POU5F1B: variants seen among roughly 807,000 people sequenced by gnomAD.
The protein encoded by POU5F1B is POU class 5 homeobox 1B, also known as POU domain, class 5, transcription factor 1B.
A neutral mutation model predicts 28.1 loss-of-function variants in POU5F1B; 24 were observed. The ratio of observed to expected loss-of-function variants is 0.85; its 90% CI spans 0.62 to 1.20. The LOEUF (loss-of-function observed/expected upper bound fraction) is 1.20. Ranked by LOEUF, POU5F1B falls within the 50% of genes most tolerant of loss-of-function variation. The pLI, the probability that POU5F1B is intolerant of heterozygous loss-of-function variation, is 0.00. For missense variants in POU5F1B, 451 were observed against 451.5 expected (o/e 1.00, Z 0.01); for synonymous variants, 220 against 193.2 (o/e 1.14, Z -1.15).
Position 127,416,530 on chromosome 8 carries a change from A to G in POU5F1B, c.664A>G (p.Lys222Glu), listed in dbSNP as rs769463125. The stretch of plus-strand genomic sequence containing the variant: ...CAATGAAAATCTTCAGGAGATATGC[A>G]AAGCAGAAACCCTCATGCAGGCCCG... Residue 222 changes from lysine to glutamate, a missense_variant, in exon 3 of 3, where the codon AAA becomes GAA. By Grantham distance (56) the Lys-to-Glu change is moderately conservative. Around this residue, in one of 3 missense-constraint regions of POU5F1B, gnomAD observed 213 missense variants for 220.4 expected, o/e 0.97. Coordinates refer to ENST00000465342, the Ensembl canonical transcript of POU5F1B. 55 of 1,609,290 alleles carry G rather than the reference A, an allele frequency of 3.4e-5. No individual in the cohort carries two copies. The highest frequency in any genetic ancestry group is 4.6e-5 in the Non-Finnish European group (54 of 1,177,664).
chr8:127,415,903 C>T (rs1185632324), exon 3 of POU5F1B: 7 of 1,542,100 alleles, frequency 4.5e-6, no homozygotes, highest in South Asian at 3.7e-5. Flanking sequence ...CGCCTTCTCG[C>T]CCCCTCCAGG....
chr8:127,416,524 A>AT lies in POU5F1B; in HGVS notation c.659dup (p.Cys221MetfsTer59). The AT allele has an allele frequency of 1.9e-6, 3 of 1,609,212 alleles. No individual in the cohort carries two copies. The highest frequency in any genetic ancestry group is 2.5e-6 in the Non-Finnish European group (3 of 1,177,548). On this transcript the variant is annotated frameshift_variant, in exon 3 of 3. Transcript: ENST00000465342. LOFTEE classifies it high-confidence loss of function. ...TGACAACAATGAAAATCTTCAGGAG[A>AT]TATGCAAAGCAGAAACCCTCATGCA...
exon 3 of POU5F1B, chr8:127,417,062 G>A (rs1586476351): frequency 2.8e-6 from 4 of 1,423,210 alleles, no homozygotes; most frequent in Non-Finnish European, 3.8e-6. Context: ...GGAAGGAATT[G>A]GGAACACTAA....
chr8:127,416,317 A>G lies in POU5F1B; in HGVS notation c.451A>G (p.Lys151Glu), dbSNP rs762221989. 14 of 1,613,444 alleles carry G rather than the reference A, an allele frequency of 8.7e-6. No individual in the cohort carries two copies. Among genetic ancestry groups the G allele is most frequent in the Admixed American group, 5.0e-5 (3 of 59,968 alleles). The change falls in exon 3 of 3, where the codon AAG becomes GAG. Residue 151 changes from lysine to glutamate, a missense_variant. Physicochemically the swap from Lys to Glu is moderately conservative, Grantham distance 56. This residue lies in a region of POU5F1B where 233 missense variants were observed against 210.7 expected (regional missense o/e 1.11). Coordinates refer to ENST00000465342, the Ensembl canonical transcript of POU5F1B. ...GCAGAAAGAACTCGAGCAATTTGCC[A>G]AGCTCCTGAAGCAGAAGAGGATCAC...
Position 127,415,850 on chromosome 8 carries a change from G to T in POU5F1B, c.-17G>T, listed in dbSNP as rs529087148. The stretch of plus-strand genomic sequence containing the variant: ...CTCATTTCACCAGGCCCCCGGCTTG[G>T]GGCGCCTTCCTTCCCCATGGCGGGA... On this transcript the variant is annotated 5_prime_UTR_variant, in exon 3 of 3. Coordinates refer to ENST00000465342, the Ensembl canonical transcript of POU5F1B. The T allele has an allele frequency of 1.1e-4, 167 of 1,506,972 alleles. 1 individual carries two copies. The African/African-American group carries it at 2.1e-3, about 19-fold the overall frequency. 93.4% of individuals were successfully genotyped at this position (1,506,972 alleles called of 1,614,324 possible).
At chr8:127,416,924 G>C in exon 3 of POU5F1B, 1 of 1,601,074 alleles carries the variant, frequency 6.2e-7, no homozygotes, top group Non-Finnish European at 8.5e-7. Context: ...ATCACTCTGG[G>C]CTCTCCCATG....
chr8:127,416,770 T>C, exon 3 of POU5F1B: 3 of 1,606,920 alleles, frequency 1.9e-6, no homozygotes, highest in Non-Finnish European at 2.5e-6. Context: ...GGCTGCTGGG[T>C]CTCCTTTCTC....
intron 1 of POU5F1B, among the ~76,000 whole-genome samples, chr8:127,414,156 A>G (rs1815098893): frequency 6.6e-6 from 1 of 152,218 alleles, no homozygotes; most frequent in South Asian, 2.1e-4. Context: ...ACGTCAAATA[A>G]GCATGAGAAT....
chr8:127,417,206 A>AAAAG lies in POU5F1B; in HGVS notation c.*263_*264insGAAA, dbSNP rs1815161304. 20 of 294,992 alleles carry AAAAG rather than the reference A, an allele frequency of 6.8e-5. 1 individual carries two copies. Among genetic ancestry groups the AAAAG allele is most frequent in the Middle Eastern group, 8.1e-4 (1 of 1,228 alleles). The allele number at this position is 294,992 out of a possible 1,614,324, so 18.3% of individuals were successfully genotyped here. A position where few individuals can be genotyped will look rare whatever the true frequency, so the allele number is the denominator to read the frequency against. ...GCCTGGGACACAGTAAAAAAAAAAA[A>AAAAG]AAAAGAAAGAAAAGAAAAGTAACAT... On this transcript the variant is annotated 3_prime_UTR_variant, in exon 3 of 3. Coordinates refer to ENST00000465342, the Ensembl canonical transcript of POU5F1B.
exon 3 of POU5F1B, chr8:127,415,554 A>C: frequency 3.0e-6 from 1 of 332,162 alleles, no homozygotes; most frequent in Non-Finnish European, 5.4e-6. Flanking sequence ...GGACTCAGGA[A>C]TCATGGTGCC....
chr8:127,416,747 G>T (rs1429200633), exon 3 of POU5F1B: 1 of 1,608,834 alleles, frequency 6.2e-7, no homozygotes, highest in Non-Finnish European at 8.5e-7. Context: ...TATGCACAAC[G>T]AGAGGATTTT....
rs571698634 is a variant in POU5F1B, at chr8:127,416,622, C to A, written c.756C>A (p.Cys252Ter). The change falls in exon 3 of 3, where the codon TGC (cysteine) becomes TGA (stop). Residue 252 changes from cysteine (C) to a stop codon, truncating the protein, a stop_gained. Transcript: ENST00000465342. LOFTEE classifies it high-confidence loss of function. ...ACCTGGAGAATTTGTTCCTGCAGTG[C>A]CCGAAACCCACACTGCAGATCAGCC... is the stretch of plus-strand genomic sequence containing the variant. 109 of 1,598,678 alleles carry A rather than the reference C, an allele frequency of 6.8e-5. No homozygotes were observed. In the African/African-American group the frequency reaches 1.1e-3, roughly 16 times the overall value.
At chr8:127,416,181 C>G (rs1303374394) in exon 3 of POU5F1B, 1 of 1,613,824 alleles carries the variant, frequency 6.2e-7, no homozygotes, top group East Asian at 2.2e-5. Context: ...GGGTGGAGAG[C>G]AACTCCAATG....
chr8:127,415,562 G>A, exon 3 of POU5F1B: 1 of 359,514 alleles, frequency 2.8e-6, no homozygotes, highest in African/African-American at 2.1e-5. Context: ...GAATCATGGT[G>A]CCTACACTGG....
chr8:127,416,251 C>A lies in POU5F1B; in HGVS notation c.385C>A (p.Leu129Ile), dbSNP rs781630176. Residue 129 changes from leucine (L) to isoleucine (I), a missense_variant, in exon 3 of 3, where the codon CTA becomes ATA. By Grantham distance (5) the Leu-to-Ile change is conservative. Transcript: ENST00000465342. Reference sequence around the variant, plus strand: ...TGCCGTGAAGCTGGAGAAGGAGAAGCTAGAGCAAAACCCGGAGAAGTCCCA... The same window carrying A: ...TGCCGTGAAGCTGGAGAAGGAGAAGATAGAGCAAAACCCGGAGAAGTCCCA... 2.5e-5 allele frequency: 40 copies of A among 1,613,740 alleles called. No individual in the cohort carries two copies. The Middle Eastern group carries it at 6.6e-4, about 27-fold the overall frequency.
intron 1 of POU5F1B, among the ~76,000 whole-genome samples, chr8:127,414,450 C>T (rs751908218): frequency 2.0e-5 from 3 of 152,206 alleles, no homozygotes; most frequent in Non-Finnish European, 2.9e-5. Flanking sequence ...ACTGCTTAAA[C>T]ACTTACCTTG....
At chr8:127,413,728 G>A (rs1586473913) in intron 1 of POU5F1B, among the ~76,000 whole-genome samples, 3 of 152,128 alleles carry the variant, frequency 2.0e-5, no homozygotes, top group Admixed American at 1.3e-4. Flanking sequence ...GTGAGGCTTA[G>A]GCCAACCTAT....
exon 3 of POU5F1B, chr8:127,416,240 A>G (rs2130627327): frequency 6.2e-7 from 1 of 1,613,858 alleles, no homozygotes; most frequent in Non-Finnish European, 8.5e-7. Flanking sequence ...GTGAAGCTGG[A>G]GAAGGAGAAG....
rs768235193 is a variant in POU5F1B, at chr8:127,416,534, C to T, written c.668C>T (p.Ala223Val). The change falls in exon 3 of 3, where the codon GCA (alanine) becomes GTA (valine). Residue 223 changes from alanine to valine, a missense_variant. Ala to Val is a moderately conservative substitution (Grantham distance 64). Coordinates refer to ENST00000465342, the Ensembl canonical transcript of POU5F1B. Reference sequence around the variant, plus strand: ...GAAAATCTTCAGGAGATATGCAAAGCAGAAACCCTCATGCAGGCCCGAAAG... The same window carrying T: ...GAAAATCTTCAGGAGATATGCAAAGTAGAAACCCTCATGCAGGCCCGAAAG... 88 of 1,608,668 alleles carry T rather than the reference C, an allele frequency of 5.5e-5. No individual in the cohort carries two copies. The South Asian group carries it at 9.4e-4, about 17-fold the overall frequency.
Sources: allele counts gnomAD v4.1 joint callset (sites outside exome capture counted in the v4.1 genomes callset), GRCh38; gene constraint gnomAD v4.1.1; regional missense constraint gnomAD v4.1.1; transcripts MANE v1.5; gene names NCBI Gene and HGNC (gene_info 2026-07-23, HGNC 2026-07-21).